The following ZMPSTE24 variants were observed in gnomAD, a reference collection of about 807,000 sequenced individuals.
ZMPSTE24 encodes the protein zinc metallopeptidase STE24, also known as CAAX prenyl protease 1 homolog.
A neutral mutation model predicts 56.7 loss-of-function variants in ZMPSTE24; 48 were observed. The ratio of observed to expected loss-of-function variants is 0.85; its 90% CI spans 0.67 to 1.08. ZMPSTE24 has a LOEUF of 1.08. Ranked by LOEUF, ZMPSTE24 falls within the 50% of genes least tolerant of loss-of-function variation. ZMPSTE24 has a pLI of 0.00. For missense variants in ZMPSTE24, 503 were observed against 548.7 expected, an observed-to-expected ratio of 0.92 and a Z score of 0.83; for synonymous variants, 172 against 195.2, an observed-to-expected ratio of 0.88 and a Z score of 0.99.
At chr1:40,263,886 C>T (rs1480557743) in intron 2 of ZMPSTE24, among the ~76,000 whole-genome samples, 1 of 152,074 alleles carries the variant, frequency 6.6e-6, no homozygotes, top group African/African-American at 2.4e-5. Flanking sequence ...TCTAATATCT[C>T]ACAGATATCA....
intron 2 of ZMPSTE24, among the ~76,000 whole-genome samples, chr1:40,262,263 A>G (rs140938974): frequency 4.0e-4 from 61 of 152,356 alleles, no homozygotes; most frequent in African/African-American, 1.4e-3. Flanking sequence ...TAGAAACTGC[A>G]CTTATTTCTT....
In ZMPSTE24 at chr1:40,278,544, T is replaced by C. The variant is rs373611419; in HGVS notation, c.770-2799T>C. On this transcript the variant is annotated intron_variant, in intron 6 of 9. Coordinates refer to ENST00000372759, the MANE Select transcript of ZMPSTE24 (RefSeq NM_005857.5). ...CTGCACTCCAGCCTGGGCGACAGAG[T>C]GAGACTCCGTCTCAAAAAAAAAAAA... Among the ~76,000 whole-genome samples the C allele has an allele frequency of 9.1e-5, 8 of 87,456 alleles. 1 individual carries two copies. The highest frequency in any genetic ancestry group is 3.7e-4 in the Admixed American group (2 of 5,474). 57.4% of individuals were successfully genotyped at this position (87,456 alleles called of 152,430 possible).
At chr1:40,273,537 A>AAAAAAAAAAAAATATATATATATATAT (rs1224234676) in intron 6 of ZMPSTE24, among the ~76,000 whole-genome samples, 1 of 12,388 alleles carries the variant, frequency 8.1e-5, no homozygotes, top group African/African-American at 1.8e-4. Context: ...AAAAAAAAAA[A>AAAAAAAAAAAAATATATATATATATAT]ATATATATAT....
chr1:40,291,104 A>T, intron 9 of ZMPSTE24, 107 bp downstream of exon 9: 1 of 1,432,912 alleles, frequency 7.0e-7, no homozygotes, highest in Non-Finnish European at 9.5e-7. Flanking sequence ...TTTAACAAAT[A>T]GATGAAACAA....
intron 8 of ZMPSTE24, among the ~76,000 whole-genome samples, chr1:40,286,579 C>T (rs1266659352): frequency 1.3e-5 from 2 of 151,720 alleles, no homozygotes; most frequent in Admixed American, 1.3e-4. Flanking sequence ...CACCACCATC[C>T]CTGGCTAATT....
At chr1:40,288,410 C>G (rs1308186010) in intron 8 of ZMPSTE24, among the ~76,000 whole-genome samples, 25 of 152,178 alleles carry the variant, frequency 1.6e-4, no homozygotes, top group Admixed American at 1.6e-3. Context: ...GGAAAGGGTT[C>G]CAATGGAATC....
At chr1:40,264,725 A>G (rs571774480) in intron 2 of ZMPSTE24, among the ~76,000 whole-genome samples, 1 of 151,742 alleles carries the variant, frequency 6.6e-6, no homozygotes, top group East Asian at 1.9e-4. Context: ...AAAAATTTTT[A>G]AAAAATCAAC....
At chr1:40,282,282 C>G (rs920064774) in intron 7 of ZMPSTE24, among the ~76,000 whole-genome samples, 1 of 152,104 alleles carries the variant, frequency 6.6e-6, no homozygotes, top group East Asian at 1.9e-4. Flanking sequence ...GAATCCTTTT[C>G]GTGGATAAGA....
chr1:40,267,320 A>T (rs1579150), intron 2 of ZMPSTE24, among the ~76,000 whole-genome samples: 77,640 of 148,522 alleles, frequency 0.52, 22,040 homozygotes, highest in African/African-American at 0.73. Flanking sequence ...TTTTAAAAAA[A>T]TATTTTATTT....
intron 7 of ZMPSTE24, among the ~76,000 whole-genome samples, chr1:40,283,779 T>A (rs1329643593): frequency 6.6e-6 from 1 of 152,126 alleles, no homozygotes; most frequent in Non-Finnish European, 1.5e-5. Context: ...CTCCATTTTT[T>A]AAATTCTGTG....
chr1:40,269,890 A>G, intron 4 of ZMPSTE24, 85 bp from the exon 5 acceptor site: 1 of 1,502,884 alleles, frequency 6.7e-7, no homozygotes, highest in Non-Finnish European at 9.0e-7. Flanking sequence ...TGCTTTAATA[A>G]TGTATCCTTT....
intron 8 of ZMPSTE24, among the ~76,000 whole-genome samples, chr1:40,290,104 C>T (rs889702605): frequency 1.3e-5 from 2 of 152,052 alleles, no homozygotes; most frequent in African/African-American, 4.8e-5. Flanking sequence ...AAACTACTGG[C>T]GGGGCAGTAT....
rs371196504 is a variant in ZMPSTE24 at position 40,259,252 on chromosome 1, A to G, written c.123+858A>G. The G allele has an allele frequency of 7.9e-5, 12 of 152,346 alleles. 1 individual carries two copies. Among genetic ancestry groups the G allele is most frequent in the East Asian group, 3.9e-4 (2 of 5,192 alleles). The allele number at this position is 152,346 out of a possible 1,614,324, so 9.4% of individuals were successfully genotyped here. ...GTTTAAATATTAAAATGGTAAAATA[A>G]AAAGTGAAAGTTAACAATTTACCTG... is the stretch of plus-strand genomic sequence containing the variant. On this transcript the variant is annotated intron_variant, in intron 1 of 9. Transcript: ENST00000372759.
rs148175611 is a variant in ZMPSTE24 at position 40,280,486 on chromosome 1, G to A, written c.770-857G>A. Among the ~76,000 whole-genome samples, 548 of 151,726 alleles carry A rather than the reference G, an allele frequency of 3.6e-3. 4 individuals carry two copies. Among genetic ancestry groups the A allele is most frequent in the African/African-American group, 0.013 (523 of 41,328 alleles). ...GTTGCCTAGGCTGGAGTGCAGTGGC[G>A]ACATCTCTGCTCACTGCAACCTCCG... On this transcript the variant is annotated intron_variant, in intron 6 of 9. Coordinates refer to ENST00000372759, the MANE Select transcript of ZMPSTE24 (RefSeq NM_005857.5).
In ZMPSTE24 at chr1:40,260,904, A is replaced by G; in HGVS notation, c.189A>G (p.Thr63=). ...PELGQIMDSE[T]FEKSRLYQLD... is the part of the protein sequence containing the mutation. ...TAGGACAGATCATGGATTCTGAAACATTTGAGAAATCTCGACTCTATCAAC... is the reference window on the plus strand; with the variant it reads ...TAGGACAGATCATGGATTCTGAAACGTTTGAGAAATCTCGACTCTATCAAC... Residue 63 remains threonine, a synonymous_variant, in exon 2 of 10, where the codon ACA becomes ACG. Transcript: ENST00000372759. 6.2e-7 allele frequency: 1 copy of G among 1,614,210 alleles called. No individual in the cohort carries two copies. Among genetic ancestry groups the G allele is most frequent in the Non-Finnish European group, 8.5e-7 (1 of 1,180,016 alleles).
At chr1:40,268,305 C>A in intron 3 of ZMPSTE24, 114 bp from the exon 4 acceptor site, 1 of 782,892 alleles carries the variant, frequency 1.3e-6, no homozygotes, top group Non-Finnish European at 2.3e-6. Context: ...CTTATGTTAT[C>A]CATAGAATCA....
chr1:40,258,264 G>T lies in ZMPSTE24; in HGVS notation c.-8G>T. ...GCACGCTGAAGGAGCCGGCGGAACC[G>T]GGTGGCCATGGGGATGTGGGCATCG... On this transcript the variant is annotated 5_prime_UTR_variant, in exon 1 of 10. Coordinates refer to ENST00000372759, the MANE Select transcript of ZMPSTE24 (RefSeq NM_005857.5). 6.2e-7 allele frequency: 1 copy of T among 1,613,418 alleles called. No homozygotes were observed. The highest frequency in any genetic ancestry group is 1.1e-5 in the South Asian group (1 of 91,066).
chr1:40,273,537 AATATATAT>A lies in ZMPSTE24; in HGVS notation c.769+1527_769+1534del, dbSNP rs71577619. 1.5e-3 allele frequency among the ~76,000 whole-genome samples: 18 copies of A among 12,384 alleles called. 2 individuals are homozygous for A. The highest frequency in any genetic ancestry group is 2.9e-3 in the African/African-American group (16 of 5,438). The allele number at this position is 12,384 out of a possible 152,430, so 8.1% of individuals were successfully genotyped here. A position where few individuals can be genotyped will look rare whatever the true frequency, so the allele number is the denominator to read the frequency against. On this transcript the variant is annotated intron_variant, in intron 6 of 9. Transcript: ENST00000372759. The stretch of plus-strand genomic sequence containing the variant: ...TGTCTAAAAAAAAAAAAAAAAAAAA[AATATATAT>A]ATATATATATATATATATATATATG...
At chr1:40,258,675 T>C (rs965146320) in intron 1 of ZMPSTE24, among the ~76,000 whole-genome samples, 1 of 152,166 alleles carries the variant, frequency 6.6e-6, no homozygotes, top group South Asian at 2.1e-4. Context: ...CTTGGGATCC[T>C]TGGGCCCAGA....
Sources: allele counts gnomAD v4.1 joint callset (sites outside exome capture counted in the v4.1 genomes callset), GRCh38; gene constraint gnomAD v4.1.1; transcripts MANE v1.5; gene names NCBI Gene and HGNC (gene_info 2026-07-23, HGNC 2026-07-21).